The following PLA2G4A variants were observed in gnomAD, a reference collection of about 807,000 sequenced individuals.
PLA2G4A encodes the protein cytosolic phospholipase A2.
In PLA2G4A, 40 loss-of-function variants were observed where a neutral mutation model predicts 81.9. The observed-to-expected ratio is 0.49, with a 90% CI of 0.38 to 0.64. The LOEUF (loss-of-function observed/expected upper bound fraction) is 0.64. Ranked by LOEUF, PLA2G4A falls within the 30% of genes least tolerant of loss-of-function variation. The pLI, the probability that PLA2G4A is intolerant of heterozygous loss-of-function variation, is 0.00. For synonymous variants in PLA2G4A, 302 were observed against 296.9 expected (o/e 1.02, Z -0.18); for missense variants, 715 against 905.1 (o/e 0.79, Z 2.69).
intron 7 of PLA2G4A, among the ~76,000 whole-genome samples, chr1:186,923,863 G>A (rs372399122): frequency 1.5e-4 from 23 of 152,230 alleles, no homozygotes; most frequent in East Asian, 1.4e-3. Flanking sequence ...TACTGCTAAC[G>A]GCTGACTACT....
chr1:186,863,777 T>TGGG lies in PLA2G4A; in HGVS notation c.34-6656_34-6654dup, dbSNP rs143462821. ...AAATATATAATTTTTTTTTTTTTTT[T>TGGG]GGGGACAGAGTCTCCCTCTTTTGCC... On this transcript the variant is annotated intron_variant, in intron 2 of 17. Coordinates refer to ENST00000367466, the MANE Select transcript of PLA2G4A (RefSeq NM_024420.3). Among the ~76,000 whole-genome samples the TGGG allele has an allele frequency of 5.5e-4, 82 of 148,430 alleles. No individual in the cohort carries two copies. In the South Asian group the frequency reaches 8.3e-3, roughly 15 times the overall value.
intron 7 of PLA2G4A, among the ~76,000 whole-genome samples, chr1:186,925,187 A>G (rs776702760): frequency 6.6e-6 from 1 of 152,104 alleles, no homozygotes; most frequent in Non-Finnish European, 1.5e-5. Context: ...AACTTACTTG[A>G]TTTCTTTACG....
At chr1:186,963,074 A>G (rs932499031) in intron 14 of PLA2G4A, among the ~76,000 whole-genome samples, 13 of 152,240 alleles carry the variant, frequency 8.5e-5, no homozygotes, top group African/African-American at 3.1e-4. Flanking sequence ...CTCCTTTGTA[A>G]GAGTCGTATA....
chr1:186,900,712 C>T (rs977243065), intron 5 of PLA2G4A, among the ~76,000 whole-genome samples: 2 of 152,120 alleles, frequency 1.3e-5, no homozygotes. Flanking sequence ...CATGGAAATG[C>T]CTAGGCTTAG....
At chr1:186,847,955 T>C (rs966833945) in intron 1 of PLA2G4A, among the ~76,000 whole-genome samples, 2 of 152,090 alleles carry the variant, frequency 1.3e-5, no homozygotes, top group African/African-American at 2.4e-5. Flanking sequence ...TCAGGGTTTG[T>C]TGGAAGAAAG....
At chr1:186,858,122 A>G (rs1334362393) in intron 2 of PLA2G4A, among the ~76,000 whole-genome samples, 1 of 152,150 alleles carries the variant, frequency 6.6e-6, no homozygotes, top group Non-Finnish European at 1.5e-5. Context: ...GTTTATACTC[A>G]GTAATGGGAT....
In PLA2G4A at chr1:186,830,608, C is replaced by CAAAAAAAAAAAAAAA. The variant is rs55745208; in HGVS notation, c.-70+1583_-70+1597dup. Among the ~76,000 whole-genome samples the CAAAAAAAAAAAAAAA allele has an allele frequency of 5.6e-4, 41 of 72,682 alleles. 3 individuals are homozygous for CAAAAAAAAAAAAAAA. Among genetic ancestry groups the CAAAAAAAAAAAAAAA allele is most frequent in the African/African-American group, 2.1e-3 (39 of 18,594 alleles). The allele number at this position is 72,682 out of a possible 152,430, so 47.7% of individuals were successfully genotyped here. ...GAGCGAAAACAGCGAAGCTCTGTCT[C>CAAAAAAAAAAAAAAA]AAAAAAAAAAAAAAAAAAAAAAAAG... On this transcript the variant is annotated intron_variant, in intron 1 of 17. Coordinates refer to ENST00000367466, the MANE Select transcript of PLA2G4A (RefSeq NM_024420.3).
At chr1:186,949,948 G>T (rs10737275) in intron 12 of PLA2G4A, among the ~76,000 whole-genome samples, 145,803 of 152,208 alleles carry the variant, frequency 0.96, 69,879 homozygotes, top group East Asian at 1. Context: ...AGGTGGAACG[G>T]TTGCTTGAGC....
At chr1:186,942,425 G>A (rs893494055) in intron 10 of PLA2G4A, among the ~76,000 whole-genome samples, 1 of 152,092 alleles carries the variant, frequency 6.6e-6, no homozygotes, top group African/African-American at 2.4e-5. Flanking sequence ...ATACTTCTAA[G>A]CTGAATACCT....
At chr1:186,879,939 A>G (rs943898540) in intron 3 of PLA2G4A, among the ~76,000 whole-genome samples, 4 of 151,780 alleles carry the variant, frequency 2.6e-5, no homozygotes, top group African/African-American at 7.3e-5. Flanking sequence ...TGCTGCACCC[A>G]TTAACTCGTC....
chr1:186,930,350 G>A (rs1655697475), intron 7 of PLA2G4A, among the ~76,000 whole-genome samples: 1 of 152,114 alleles, frequency 6.6e-6, no homozygotes, highest in Non-Finnish European at 1.5e-5. Context: ...GAGAACAGCA[G>A]GTTACCTAAC....
intron 7 of PLA2G4A, among the ~76,000 whole-genome samples, chr1:186,929,621 G>C (rs921750288): frequency 6.6e-6 from 1 of 152,132 alleles, no homozygotes; most frequent in African/African-American, 2.4e-5. Flanking sequence ...AAAAGCAGGG[G>C]CTATTTGTTT....
intron 3 of PLA2G4A, among the ~76,000 whole-genome samples, chr1:186,871,833 A>G (rs1047472956): frequency 6.6e-6 from 1 of 152,176 alleles, no homozygotes; most frequent in Non-Finnish European, 1.5e-5. Context: ...TGTTAAATAT[A>G]TTGGAGAGGA....
intron 5 of PLA2G4A, among the ~76,000 whole-genome samples, chr1:186,897,323 C>T (rs1010785338): frequency 2.6e-5 from 4 of 152,056 alleles, no homozygotes; most frequent in Admixed American, 6.6e-5. Context: ...AGAGAATGGA[C>T]CCTCGTTTTG....
intron 1 of PLA2G4A, among the ~76,000 whole-genome samples, chr1:186,833,371 G>A (rs1651666336): frequency 6.6e-6 from 1 of 152,144 alleles, no homozygotes; most frequent in African/African-American, 2.4e-5. Context: ...TCATGCCTGG[G>A]TGATAGAGCA....
intron 5 of PLA2G4A, among the ~76,000 whole-genome samples, chr1:186,902,651 A>T (rs1303650429): frequency 6.6e-6 from 1 of 152,068 alleles, no homozygotes; most frequent in Non-Finnish European, 1.5e-5. Context: ...TGATGACCTT[A>T]CCTTGTGACA....
At chr1:186,830,979 TTTCTTTCTTTCTTTCTTTC>T (rs1182798275) in intron 1 of PLA2G4A, among the ~76,000 whole-genome samples, 1 of 138,238 alleles carries the variant, frequency 7.2e-6, no homozygotes, top group Non-Finnish European at 1.6e-5. Context: ...TCTTTCTTTC[TTTCTTTCTTTCTTTCTTTC>T]TTTCTTTCTT....
At chr1:186,891,381 A>G (rs1425716347) in intron 3 of PLA2G4A, among the ~76,000 whole-genome samples, 3 of 151,686 alleles carry the variant, frequency 2.0e-5, no homozygotes, top group Admixed American at 6.6e-5. Context: ...TTGTGTTATC[A>G]AATAGCAAGT....
chr1:186,966,091 A>C (rs978794106), intron 15 of PLA2G4A, among the ~76,000 whole-genome samples: 4 of 149,864 alleles, frequency 2.7e-5, no homozygotes, highest in Non-Finnish European at 4.4e-5. Context: ...AAATCAGACC[A>C]GAGTGGTTTG....
Sources: gnomAD v4.1 joint callset for allele counts (sites outside exome capture counted in the v4.1 genomes callset) on GRCh38, gnomAD v4.1.1 for gene constraint, MANE v1.5 for transcripts, NCBI Gene and HGNC (gene_info 2026-07-23, HGNC 2026-07-21) for gene names.